Variants in CFAP299 observed in about 807,000 individuals in gnomAD.
CFAP299 encodes cilia and flagella associated protein 299.
A neutral mutation model predicts 27.0 loss-of-function variants in CFAP299; 21 were observed. The ratio of observed to expected loss-of-function variants is 0.78; its 90% CI spans 0.55 to 1.12. The LOEUF (loss-of-function observed/expected upper bound fraction) is 1.12, where lower values mean the gene tolerates loss of function less well. Among genes scored for constraint, CFAP299 ranks in the 50% most tolerant of loss-of-function variants. The pLI is 0.00. For synonymous variants in CFAP299, 104 were observed against 98.1 expected (o/e 1.06, Z -0.36); for missense variants, 310 against 276.6 (o/e 1.12, Z -0.86).
At chr4:80,351,165 A>T (rs547111263) in intron 1 of CFAP299, among the ~76,000 whole-genome samples, 2 of 152,296 alleles carry the variant, frequency 1.3e-5, no homozygotes, top group African/African-American at 4.8e-5. Context: ...GGAAAATTAT[A>T]TATAAGCAGG....
intron 2 of CFAP299, among the ~76,000 whole-genome samples, chr4:80,447,135 T>TG (rs1305428265): frequency 3.4e-5 from 4 of 118,440 alleles, no homozygotes; most frequent in African/African-American, 1.2e-4. Context: ...TTTTTGTTTT[T>TG]TTTTTTTTTT....
chr4:80,722,597 A>G (rs1722893474), intron 3 of CFAP299, among the ~76,000 whole-genome samples: 1 of 151,916 alleles, frequency 6.6e-6, no homozygotes, highest in South Asian at 2.1e-4. Flanking sequence ...TCAAAACTTA[A>G]TGATTAGAAA....
At chr4:80,688,150 C>CAAGCCGGGA (rs1553949020) in intron 3 of CFAP299, among the ~76,000 whole-genome samples, 2 of 152,220 alleles carry the variant, frequency 1.3e-5, no homozygotes, top group Non-Finnish European at 2.9e-5. Context: ...CTTAGGTAAA[C>CAAGCCGGGA]AAAGCAGCCG....
intron 2 of CFAP299, among the ~76,000 whole-genome samples, chr4:80,390,293 C>A (rs1221904613): frequency 6.6e-6 from 1 of 151,772 alleles, no homozygotes; most frequent in African/African-American, 2.4e-5. Context: ...TACCCCCCAA[C>A]CCCCTGGCAA....
rs189083420 is a variant in CFAP299, at chr4:80,855,585, T to A, written c.334-14408T>A. 5.7e-3 allele frequency among the ~76,000 whole-genome samples: 862 copies of A among 151,388 alleles called. 5 individuals carry two copies. Among genetic ancestry groups the A allele is most frequent in the African/African-American group, 0.02 (829 of 41,174 alleles). On this transcript the variant is annotated intron_variant, in intron 3 of 5. Coordinates refer to ENST00000358105, the MANE Select transcript of CFAP299 (RefSeq NM_152770.3). ...CCCCAACCCACAACAGTCCCCAGAGTGTGATGTTCCCCTTCCTGTATCCAT... is the reference window on the plus strand; with the variant it reads ...CCCCAACCCACAACAGTCCCCAGAGAGTGATGTTCCCCTTCCTGTATCCAT...
At chr4:80,899,494 A>G (rs995309398) in intron 4 of CFAP299, among the ~76,000 whole-genome samples, 1 of 152,214 alleles carries the variant, frequency 6.6e-6, no homozygotes, top group Non-Finnish European at 1.5e-5. Context: ...CGTAGAGCAC[A>G]ATCTTATCAT....
chr4:80,346,273 G>A (rs979891236), intron 1 of CFAP299, among the ~76,000 whole-genome samples: 2 of 151,992 alleles, frequency 1.3e-5, no homozygotes, highest in Admixed American at 6.6e-5. Flanking sequence ...AAGCTCTTTA[G>A]TTTAATGAGA....
chr4:80,521,617 TC>T (rs746031779), intron 2 of CFAP299, among the ~76,000 whole-genome samples: 1 of 152,008 alleles, frequency 6.6e-6, no homozygotes, highest in Non-Finnish European at 1.5e-5. Flanking sequence ...GCTCACCACT[TC>T]CCCTTTCCCC....
At chr4:80,742,598 A>G (rs1259125706) in intron 3 of CFAP299, among the ~76,000 whole-genome samples, 2 of 152,212 alleles carry the variant, frequency 1.3e-5, no homozygotes, top group Non-Finnish European at 2.9e-5. Flanking sequence ...AATAAGTGCT[A>G]TGAAGAAAGC....
intron 4 of CFAP299, among the ~76,000 whole-genome samples, chr4:80,886,891 A>C (rs1433630345): frequency 6.6e-6 from 1 of 152,140 alleles, no homozygotes; most frequent in Non-Finnish European, 1.5e-5. Context: ...AAATAATTGC[A>C]AAGAATCAAG....
chr4:80,652,007 C>T (rs1189766952), intron 3 of CFAP299, among the ~76,000 whole-genome samples: 2 of 151,972 alleles, frequency 1.3e-5, no homozygotes, highest in East Asian at 1.9e-4. Context: ...CTCAAAATGG[C>T]AAATTTGGTT....
chr4:80,431,410 T>A (rs1199302780), intron 2 of CFAP299, among the ~76,000 whole-genome samples: 1 of 144,690 alleles, frequency 6.9e-6, no homozygotes, highest in Non-Finnish European at 1.5e-5. Flanking sequence ...CTTTCTTCCT[T>A]CCTCCCTCCT....
At chr4:80,723,922 T>A (rs937023726) in intron 3 of CFAP299, among the ~76,000 whole-genome samples, 1 of 151,916 alleles carries the variant, frequency 6.6e-6, no homozygotes, top group African/African-American at 2.4e-5. Flanking sequence ...AAATAAACAG[T>A]TTCACCAAGA....
intron 2 of CFAP299, among the ~76,000 whole-genome samples, chr4:80,540,664 A>G (rs868048093): frequency 1.8e-4 from 27 of 152,212 alleles, no homozygotes; most frequent in Admixed American, 1.5e-3. Context: ...GCGTGTTTCT[A>G]CACATGGATA....
At chr4:80,359,548 AC>A (rs1723441083) in intron 1 of CFAP299, among the ~76,000 whole-genome samples, 2 of 152,016 alleles carry the variant, frequency 1.3e-5, no homozygotes, top group South Asian at 4.2e-4. Context: ...TTCTTGTCTG[AC>A]TGTCTTATTT....
chr4:80,539,423 G>A (rs1733897634), intron 2 of CFAP299, among the ~76,000 whole-genome samples: 1 of 152,170 alleles, frequency 6.6e-6, no homozygotes, highest in Admixed American at 6.5e-5. Flanking sequence ...AGCATTTATT[G>A]TGTTTTTCAT....
intron 2 of CFAP299, among the ~76,000 whole-genome samples, chr4:80,512,339 G>A (rs1189981259): frequency 6.6e-6 from 1 of 152,064 alleles, no homozygotes; most frequent in Non-Finnish European, 1.5e-5. Context: ...GCAAGTGGGA[G>A]AAGGTGACAA....
intron 2 of CFAP299, chr4:80,386,514 G>GC (rs768842111): frequency 8.8e-6 from 9 of 1,028,272 alleles, no homozygotes; most frequent in African/African-American, 1.4e-4. Flanking sequence ...GGCGGTGGTG[G>GC]GGGGGGGGGG....
chr4:80,957,615 T>C (rs190854604), intron 5 of CFAP299, among the ~76,000 whole-genome samples: 270 of 152,334 alleles, frequency 1.8e-3, no homozygotes, highest in African/African-American at 6.1e-3. Flanking sequence ...AAAAATGCAT[T>C]GTATTCCACT....
Sources: allele counts gnomAD v4.1 joint callset (sites outside exome capture counted in the v4.1 genomes callset), GRCh38; gene constraint gnomAD v4.1.1; transcripts MANE v1.5; gene names NCBI Gene and HGNC (gene_info 2026-07-23, HGNC 2026-07-21).